SLC11A2: variants seen among roughly 807,000 people sequenced by gnomAD.
SLC11A2 encodes the protein solute carrier family 11 member 2.
Under a neutral mutation model 68.0 loss-of-function variants are expected in SLC11A2, and 38 were observed. That is an observed-to-expected ratio of 0.56 (90% CI 0.43 to 0.73). The LOEUF is 0.73. SLC11A2 is among the 30% of genes least tolerant of loss of function. SLC11A2 has a pLI of 0.00. For missense variants in SLC11A2, 517 were observed against 690.5 expected (o/e 0.75, Z 2.82); for synonymous variants, 242 against 250.6 (o/e 0.97, Z 0.32).
chr12:50,990,963 A>T lies in SLC11A2; in HGVS notation c.1422-15T>A, dbSNP rs775588121. The stretch of plus-strand genomic sequence containing the variant: ...TCCGCCAGCCTCTGTAAAAGAAATC[A>T]GCACAGTCACTGATGGAATAATCCA... On this transcript the variant is annotated splice_polypyrimidine_tract_variant and intron_variant, in intron 14 of 15. Coordinates refer to ENST00000262052, the MANE Select transcript of SLC11A2 (RefSeq NM_000617.3). 2 of 1,613,516 alleles carry T rather than the reference A, an allele frequency of 1.2e-6. No individual in the cohort carries two copies. The highest frequency in any genetic ancestry group is 3.3e-5 in the Admixed American group (2 of 60,020).
rs762002020 is a variant in SLC11A2, at chr12:50,992,276, T to A, written c.1261A>T (p.Ile421Phe). The A allele has an allele frequency of 5.2e-5, 84 of 1,613,924 alleles. No homozygotes were observed. The highest frequency in any genetic ancestry group is 6.9e-5 in the Non-Finnish European group (82 of 1,179,952). ...RVVLTRSIAI[I>F]PTLLVAVFQD... is the part of the protein sequence containing the mutation. ...AAGACAGCAACAAGCAGAGTGGGGA[T>A]GATGGCAATAGAGCGAGTCAGAACC... is the stretch of plus-strand genomic sequence containing the variant. The change falls in exon 13 of 16, where the codon ATC (isoleucine) becomes TTC (phenylalanine). Residue 421 changes from isoleucine to phenylalanine, a missense_variant. Transcript: ENST00000262052.
At chr12:50,999,269 C>T (rs766205148) in intron 7 of SLC11A2, 28 bp from the exon 8 acceptor site, 2 of 1,613,520 alleles carry the variant, frequency 1.2e-6, no homozygotes, top group Non-Finnish European at 1.7e-6. Flanking sequence ...GCAGTGAGCT[C>T]AGAGAAGGTA....
intron 3 of SLC11A2, chr12:51,005,796 G>C: frequency 1.3e-6 from 1 of 760,800 alleles, no homozygotes; most frequent in African/African-American, 1.8e-5. Flanking sequence ...TGTGCCTATA[G>C]TCCAACTACT....
At chr12:50,989,546 G>A (rs2136173330) in intron 15 of SLC11A2, among the ~76,000 whole-genome samples, 1 of 152,268 alleles carries the variant, frequency 6.6e-6, no homozygotes, top group Non-Finnish European at 1.5e-5. Flanking sequence ...GGCTGACTGA[G>A]GACAAACTGG....
intron 8 of SLC11A2, among the ~76,000 whole-genome samples, chr12:50,997,926 G>C (rs1941868668): frequency 6.6e-6 from 1 of 150,570 alleles, no homozygotes; most frequent in African/African-American, 2.4e-5. Flanking sequence ...GGTGGAAGTT[G>C]CAGTGAGCAG....
At chr12:50,952,690 C>T in the SLC11A2 span, among the ~76,000 whole-genome samples, 3 of 152,148 alleles carry the variant, frequency 2.0e-5, no homozygotes, top group Admixed American at 6.5e-5. Context: ...TTGCAGGAGG[C>T]GCACCTGCGA....
At chr12:50,988,558 C>A in intron 15 of SLC11A2, 123 bp from the exon 16 acceptor site, 2 of 1,485,988 alleles carry the variant, frequency 1.3e-6, no homozygotes, top group Non-Finnish European at 1.8e-6. Flanking sequence ...CATCTTCTAC[C>A]ACCAAGGGTT....
In SLC11A2 at chr12:50,986,925, A is replaced by C; in HGVS notation, c.*1400T>G. Reference sequence around the variant, plus strand: ...GAACACCAATCAGCCAGGACTCTGGAAGGAAAGCTCCAAAAATGAGAAGTC... The same window carrying C: ...GAACACCAATCAGCCAGGACTCTGGCAGGAAAGCTCCAAAAATGAGAAGTC... On this transcript the variant is annotated 3_prime_UTR_variant, in exon 16 of 16. Transcript: ENST00000262052. The C allele has an allele frequency of 7.8e-7, 1 of 1,287,234 alleles. No homozygotes were observed. The highest frequency in any genetic ancestry group is 1.0e-6 in the Non-Finnish European group (1 of 988,692). The allele number at this position is 1,287,234 out of a possible 1,614,324, so 79.7% of individuals were successfully genotyped here.
At chr12:50,966,075 A>T in the SLC11A2 span, among the ~76,000 whole-genome samples, 1 of 152,184 alleles carries the variant, frequency 6.6e-6, no homozygotes, top group East Asian at 1.9e-4. Flanking sequence ...TACTTAGACT[A>T]TTCTGATGAC....
intron 15 of SLC11A2, 63 bp downstream of exon 15, chr12:50,990,732 T>C: frequency 8.4e-6 from 13 of 1,554,552 alleles, no homozygotes; most frequent in Non-Finnish European, 1.2e-5. Context: ...TTTCTGAATG[T>C]CAGTGAACCC....
At chr12:51,018,414 A>G (rs572771188) in intron 1 of SLC11A2, among the ~76,000 whole-genome samples, 1 of 151,396 alleles carries the variant, frequency 6.6e-6, no homozygotes, top group Non-Finnish European at 1.5e-5. Flanking sequence ...CAAAAAACAC[A>G]AAACAGAAAA....
chr12:51,012,521 C>CT (rs1396057695), intron 1 of SLC11A2, among the ~76,000 whole-genome samples: 1 of 152,146 alleles, frequency 6.6e-6, no homozygotes, highest in African/African-American at 2.4e-5. Flanking sequence ...TAAATCTAGT[C>CT]TTTTTTCCAC....
At chr12:50,976,670 T>G (rs1172832680), downstream of SLC11A2, among the ~76,000 whole-genome samples, 1 of 152,118 alleles carries the variant, frequency 6.6e-6, no homozygotes. Flanking sequence ...GAGAAAGAAA[T>G]AAAGGGTATT....
At chr12:51,010,252 T>C (rs1943100920) in intron 2 of SLC11A2, among the ~76,000 whole-genome samples, 1 of 151,806 alleles carries the variant, frequency 6.6e-6, no homozygotes, top group South Asian at 2.1e-4. Context: ...GCGCGGTAGC[T>C]CATGCTTGTA....
the SLC11A2 span, chr12:50,961,119 G>T: frequency 1.2e-6 from 2 of 1,612,474 alleles, no homozygotes; most frequent in South Asian, 1.1e-5. Context: ...CGCTTAATTT[G>T]TATCTTATGT....
intron 8 of SLC11A2, among the ~76,000 whole-genome samples, chr12:50,998,800 A>C (rs561707508): frequency 6.6e-6 from 1 of 152,322 alleles, no homozygotes; most frequent in African/African-American, 2.4e-5. Flanking sequence ...AATTAATATA[A>C]ACCAGGATGA....
intron 6 of SLC11A2, 71 bp downstream of exon 6, chr12:51,000,242 G>T: frequency 1.8e-6 from 2 of 1,097,342 alleles, no homozygotes; most frequent in Non-Finnish European, 2.8e-6. Flanking sequence ...AAAATGAATT[G>T]GGTTTTTGTT....
At chr12:50,994,772 ACTAGCAGCAAT>A in intron 10 of SLC11A2, 142 bp from the exon 11 acceptor site, 1 of 678,406 alleles carries the variant, frequency 1.5e-6, no homozygotes, top group Non-Finnish European at 2.7e-6. Flanking sequence ...GTGGGCAGAG[ACTAGCAGCAAT>A]GTTATCTAGG....
At chr12:50,981,882 G>T, downstream of SLC11A2, 3 of 764,206 alleles carry the variant, frequency 3.9e-6, no homozygotes, top group Non-Finnish European at 6.0e-6. Flanking sequence ...CCTATAATTA[G>T]CACATCAATT....
Sources: allele counts gnomAD v4.1 joint callset (sites outside exome capture counted in the v4.1 genomes callset), GRCh38; gene constraint gnomAD v4.1.1; transcripts MANE v1.5; gene names NCBI Gene and HGNC (gene_info 2026-07-23, HGNC 2026-07-21).